The following SLC14A2 variants were observed in gnomAD, a reference collection of about 807,000 sequenced individuals.
The protein encoded by SLC14A2 is urea transporter 2.
A neutral mutation model predicts 104.6 loss-of-function variants in SLC14A2; 91 were observed. The ratio of observed to expected loss-of-function variants is 0.87; its 90% CI spans 0.73 to 1.04. The LOEUF (loss-of-function observed/expected upper bound fraction) is 1.04. Among genes scored for constraint, SLC14A2 ranks in the 50% least tolerant of loss-of-function variants. The probability of loss-of-function intolerance (pLI) is 0.00; values close to 1 mark genes in which losing one functional copy is unlikely to be tolerated. For synonymous variants in SLC14A2, 476 were observed against 466.4 expected, an observed-to-expected ratio of 1.02 and a Z score of -0.27; for missense variants, 1,189 against 1,156.0, an observed-to-expected ratio of 1.03 and a Z score of -0.41.
At chr18:45,175,546 T>C in the SLC14A2 span, among the ~76,000 whole-genome samples, 1 of 152,160 alleles carries the variant, frequency 6.6e-6, no homozygotes, top group African/African-American at 2.4e-5. Flanking sequence ...GTTGAACTTT[T>C]GTGACTTATG....
At chr18:45,230,817 G>A (rs903253544) in intron 1 of SLC14A2, among the ~76,000 whole-genome samples, 1 of 152,192 alleles carries the variant, frequency 6.6e-6, no homozygotes, top group Non-Finnish European at 1.5e-5. Flanking sequence ...AAGACTCCAG[G>A]AGAGTTCCAA....
chr18:45,493,343 A>G (rs2043034622), intron 2 of SLC14A2: 1 of 152,252 alleles, frequency 6.6e-6, no homozygotes, highest in Non-Finnish European at 1.5e-5. Context: ...GGGGCAGAGG[A>G]GCCCCAAGTC....
At chr18:45,332,410 G>A (rs926042157) in intron 1 of SLC14A2, among the ~76,000 whole-genome samples, 1 of 152,186 alleles carries the variant, frequency 6.6e-6, no homozygotes, top group Non-Finnish European at 1.5e-5. Context: ...GGAAGGATGT[G>A]TATAGGTTAT....
At chr18:45,206,241 A>G in the SLC14A2 span, among the ~76,000 whole-genome samples, 3 of 152,188 alleles carry the variant, frequency 2.0e-5, no homozygotes, top group Admixed American at 6.5e-5. Flanking sequence ...ACTGGAGAAC[A>G]TACTTTCCTG....
chr18:45,524,825 A>C (rs1010536049), intron 2 of SLC14A2, among the ~76,000 whole-genome samples: 2 of 152,072 alleles, frequency 1.3e-5, no homozygotes, highest in African/African-American at 4.8e-5. Flanking sequence ...CCATGGCCCC[A>C]CCAGCCCCTG....
At chr18:45,627,196 TAG>T (rs764525875) in intron 4 of SLC14A2, 49 bp downstream of exon 4, 1 of 1,536,670 alleles carries the variant, frequency 6.5e-7, no homozygotes, top group South Asian at 1.1e-5. Context: ...GAACAGAAAG[TAG>T]AGAGGTGTTT....
chr18:45,403,485 A>T (rs946950082), intron 1 of SLC14A2, among the ~76,000 whole-genome samples: 5 of 152,282 alleles, frequency 3.3e-5, no homozygotes, highest in Admixed American at 2.6e-4. Flanking sequence ...GGCCATGGAC[A>T]CAGTGGTGCC....
chr18:45,627,078 G>C lies in SLC14A2; in HGVS notation c.452G>C (p.Trp151Ser), dbSNP rs2045271120. The C allele has an allele frequency of 6.2e-7, 1 of 1,614,012 alleles. No individual in the cohort carries two copies. Among genetic ancestry groups the C allele is most frequent in the Non-Finnish European group, 8.5e-7 (1 of 1,180,006 alleles). The stretch of plus-strand genomic sequence containing the variant: ...ATAGGGCTGCTGATCCAGAATCCCT[G>C]GTGGACAATCACTGGGGGCCTGGGG... ...IFIGLLIQNP[W>S]WTITGGLGTV... The change falls in exon 4 of 20, where the codon TGG becomes TCG. Residue 151 changes from tryptophan (W) to serine (S), a missense_variant. Transcript: ENST00000255226.
chr18:45,285,043 T>A (rs1363329530), intron 1 of SLC14A2, among the ~76,000 whole-genome samples: 2 of 149,606 alleles, frequency 1.3e-5, no homozygotes, highest in Non-Finnish European at 3.0e-5. Context: ...AAAAAAAAAA[T>A]TGCAAAATTA....
intron 1 of SLC14A2, among the ~76,000 whole-genome samples, chr18:45,617,039 A>G (rs1193561132): frequency 1.3e-5 from 2 of 152,162 alleles, no homozygotes; most frequent in Non-Finnish European, 2.9e-5. Flanking sequence ...TGGAGGTTGC[A>G]GGGAGCCGAG....
the SLC14A2 span, among the ~76,000 whole-genome samples, chr18:45,175,119 G>A: frequency 6.6e-6 from 1 of 152,042 alleles, no homozygotes; most frequent in Non-Finnish European, 1.5e-5. Flanking sequence ...CCCAGTCCTG[G>A]GAATTTATCC....
At chr18:45,655,348 T>A (rs2045815716) in intron 10 of SLC14A2, among the ~76,000 whole-genome samples, 1 of 152,174 alleles carries the variant, frequency 6.6e-6, no homozygotes, top group Non-Finnish European at 1.5e-5. Flanking sequence ...GTGAACTTGG[T>A]GAGGGAAAGC....
At chr18:45,272,337 AC>A (rs1190195041) in intron 1 of SLC14A2, among the ~76,000 whole-genome samples, 7 of 152,124 alleles carry the variant, frequency 4.6e-5, no homozygotes, top group South Asian at 2.1e-4. Flanking sequence ...TTTGAAAGCA[AC>A]CTAAGTGTCC....
chr18:45,469,022 A>C (rs2087195717), intron 1 of SLC14A2, among the ~76,000 whole-genome samples: 1 of 152,062 alleles, frequency 6.6e-6, no homozygotes, highest in African/African-American at 2.4e-5. Flanking sequence ...CAGGGCAGAG[A>C]TTTGTGGCCT....
chr18:45,580,522 A>G (rs2044474800), intron 2 of SLC14A2, among the ~76,000 whole-genome samples: 2 of 152,232 alleles, frequency 1.3e-5, no homozygotes, highest in Non-Finnish European at 2.9e-5. Context: ...GAAGGAAAAC[A>G]GTGCCTAGCC....
chr18:45,677,088 C>G (rs1323912856), intron 18 of SLC14A2, among the ~76,000 whole-genome samples: 1 of 152,264 alleles, frequency 6.6e-6, no homozygotes, highest in Non-Finnish European at 1.5e-5. Flanking sequence ...TTCCCTCCAG[C>G]CCAGGCAGGC....
intron 1 of SLC14A2, among the ~76,000 whole-genome samples, chr18:45,288,429 T>C (rs953991908): frequency 1.2e-4 from 18 of 152,154 alleles, no homozygotes; most frequent in Admixed American, 2.0e-4. Flanking sequence ...ACAATAATGG[T>C]TTGCACTTTG....
At chr18:45,271,179 A>G (rs2084647408) in intron 1 of SLC14A2, among the ~76,000 whole-genome samples, 1 of 152,174 alleles carries the variant, frequency 6.6e-6, no homozygotes, top group African/African-American at 2.4e-5. Flanking sequence ...CCAAGTTAGA[A>G]GAACAAAGGA....
chr18:45,383,466 A>G (rs985196895), intron 1 of SLC14A2, among the ~76,000 whole-genome samples: 1 of 152,128 alleles, frequency 6.6e-6, no homozygotes, highest in Non-Finnish European at 1.5e-5. Flanking sequence ...AGCCCATAGA[A>G]TCCCAGAGGC....
Sources: gnomAD v4.1 joint callset for allele counts (sites outside exome capture counted in the v4.1 genomes callset) on GRCh38, gnomAD v4.1.1 for gene constraint, MANE v1.5 for transcripts, NCBI Gene and HGNC (gene_info 2026-07-23, HGNC 2026-07-21) for gene names.